The following AGAP1 variants were observed in gnomAD, a reference collection of about 807,000 sequenced individuals.
The protein encoded by AGAP1 is ArfGAP with GTPase domain, ankyrin repeat and PH domain 1.
In AGAP1, 29 loss-of-function variants were observed where a neutral mutation model predicts 105.3. The ratio of observed to expected loss-of-function variants is 0.28; its 90% CI spans 0.21 to 0.38. The LOEUF is 0.38. Among genes scored for constraint, AGAP1 ranks in the 10% least tolerant of loss-of-function variants. The pLI, the probability that AGAP1 is intolerant of heterozygous loss-of-function variation, is 1.00. For synonymous variants in AGAP1, 509 were observed against 485.9 expected (o/e 1.05, Z -0.63); for missense variants, 998 against 1,165.1 (o/e 0.86, Z 2.09).
At position 236,056,706 on chromosome 2, in the gene AGAP1, CT is replaced by C. The variant is rs1318031628; in HGVS notation, c.2114+7427del. Among the ~76,000 whole-genome samples the C allele has an allele frequency of 7.9e-5, 12 of 152,144 alleles. No homozygotes were observed. Among genetic ancestry groups the C allele is most frequent in the Non-Finnish European group, 1.8e-4 (12 of 68,028 alleles). On this transcript the variant is annotated intron_variant, in intron 16 of 17. Transcript: ENST00000304032. The surrounding 1 kb of genome is among the most constrained non-coding windows in gnomAD (Gnocchi z 4.6). ...CTAGTGAACTTTTCTCTTTCTTCTT[CT>C]TAATGAAGAGGAGGGAGACAAAAAC...
intron 9 of AGAP1, among the ~76,000 whole-genome samples, chr2:235,834,962 A>G (rs187013369): frequency 1.0e-3 from 153 of 152,280 alleles, no homozygotes; most frequent in Non-Finnish European, 1.7e-3. Flanking sequence ...TCACGAGAAC[A>G]TGTGATTCGT....
chr2:235,762,084 G>A (rs1197284010), intron 6 of AGAP1, among the ~76,000 whole-genome samples: 1 of 150,384 alleles, frequency 6.6e-6, no homozygotes, highest in African/African-American at 2.5e-5. Flanking sequence ...ATTCCAGCCT[G>A]GGGGGATAAG....
intron 1 of AGAP1, among the ~76,000 whole-genome samples, chr2:235,686,588 C>CACACAGAT (rs1553605459): frequency 9.2e-6 from 1 of 108,508 alleles, no homozygotes; most frequent in African/African-American, 3.4e-5. Context: ...CACACACACA[C>CACACAGAT]GTGTGTGTGT....
chr2:235,881,468 T>C (rs1393468517), intron 9 of AGAP1, among the ~76,000 whole-genome samples: 1 of 152,198 alleles, frequency 6.6e-6, no homozygotes, highest in Non-Finnish European at 1.5e-5. Context: ...TAAGGTTACA[T>C]AAGTTTATAA....
Position 235,973,436 on chromosome 2 carries a change from T to C in AGAP1, c.1645+4813T>C, listed in dbSNP as rs1271860911. On this transcript the variant is annotated intron_variant, in intron 13 of 17. Coordinates refer to ENST00000304032, the MANE Select transcript of AGAP1 (RefSeq NM_001037131.3). The surrounding 1 kb of genome is among the most constrained non-coding windows in gnomAD (Gnocchi z 4.7). ...GACAGAGCCCGTCGCTAGGCTCTTA[T>C]GTCACAGATGGGCTGCTGTGCTGCG... 1.3e-5 allele frequency among the ~76,000 whole-genome samples: 2 copies of C among 152,192 alleles called. No individual in the cohort carries two copies. Among genetic ancestry groups the C allele is most frequent in the South Asian group, 2.1e-4 (1 of 4,832 alleles).
In AGAP1 at chr2:235,549,872, G is replaced by A. The variant is rs1943748989; in HGVS notation, c.163+55023G>A. ...ATGGGGATTAGTGGAGTGAGTGGGAGGACTCGCCCTGCGCAGGTGGAGGGT... is the reference window on the plus strand; with the variant it reads ...ATGGGGATTAGTGGAGTGAGTGGGAAGACTCGCCCTGCGCAGGTGGAGGGT... On this transcript the variant is annotated intron_variant, in intron 1 of 17. Transcript: ENST00000304032. This position sits in a 1 kb window ranked among gnomAD's most constrained non-coding sequence, Gnocchi z 4.2. Among the ~76,000 whole-genome samples, 1 of 152,130 alleles carries A rather than the reference G, an allele frequency of 6.6e-6. No individual in the cohort carries two copies. Among genetic ancestry groups the A allele is most frequent in the Non-Finnish European group, 1.5e-5 (1 of 68,026 alleles).
rs1395265677 is a variant in AGAP1 at position 235,719,461 on chromosome 2, G to GT, written c.310+1820dup. Among the ~76,000 whole-genome samples the GT allele has an allele frequency of 2.0e-5, 3 of 152,186 alleles. No individual in the cohort carries two copies. The highest frequency in any genetic ancestry group is 7.2e-5 in the African/African-American group (3 of 41,446). On this transcript the variant is annotated intron_variant, in intron 3 of 17. Coordinates refer to ENST00000304032, the MANE Select transcript of AGAP1 (RefSeq NM_001037131.3). The surrounding 1 kb of genome is among the most constrained non-coding windows in gnomAD (Gnocchi z 4.9). The stretch of plus-strand genomic sequence containing the variant: ...TCACACCAAAGCATTTCTCTTGAAC[G>GT]TTTATACATCAAAAGGAAGGATTGT...
At chr2:236,065,743 G>A (rs1013430860) in intron 16 of AGAP1, among the ~76,000 whole-genome samples, 2 of 152,222 alleles carry the variant, frequency 1.3e-5, no homozygotes, top group Non-Finnish European at 2.9e-5. Flanking sequence ...CCTCCTGCTG[G>A]GTTGTGGAGC....
intron 12 of AGAP1, among the ~76,000 whole-genome samples, chr2:235,946,071 G>A (rs901356995): frequency 1.3e-4 from 20 of 150,886 alleles, no homozygotes; most frequent in Admixed American, 6.6e-4. Flanking sequence ...AGATCCAGGC[G>A]GAGACACAGA....
Position 235,555,112 on chromosome 2 carries a change from G to T in AGAP1, c.163+60263G>T, listed in dbSNP as rs1015695472. On this transcript the variant is annotated intron_variant, in intron 1 of 17. Coordinates refer to ENST00000304032, the MANE Select transcript of AGAP1 (RefSeq NM_001037131.3). The surrounding 1 kb of genome is among the most constrained non-coding windows in gnomAD (Gnocchi z 5.1). ...GAGGAGAGCGCGGCCGCCAGGGTCA[G>T]CCTGGATGCTCCTAGGCAGAGGCAC... Among the ~76,000 whole-genome samples the T allele has an allele frequency of 6.6e-6, 1 of 152,198 alleles. No individual in the cohort carries two copies. Among genetic ancestry groups the T allele is most frequent in the Non-Finnish European group, 1.5e-5 (1 of 68,030 alleles).
rs56934868 is a variant in AGAP1, at chr2:235,681,843, CTTTTTTT to C, written c.164-27317_164-27311del. On this transcript the variant is annotated intron_variant, in intron 1 of 17. Transcript: ENST00000304032. ...CCTATAAAGGGTCTAATTTAGTTTG[CTTTTTTT>C]TTTTTTTTTTTTTTTTTTGATACAG... Among the ~76,000 whole-genome samples the C allele has an allele frequency of 2.8e-4, 22 of 78,302 alleles. No individual in the cohort carries two copies. The East Asian group carries it at 6.8e-3, about 24-fold the overall frequency. 51.4% of individuals were successfully genotyped at this position (78,302 alleles called of 152,430 possible). A position where few individuals can be genotyped will look rare whatever the true frequency, so the allele number is the denominator to read the frequency against.
chr2:236,115,754 C>A (rs2059755298), intron 16 of AGAP1, among the ~76,000 whole-genome samples: 1 of 152,244 alleles, frequency 6.6e-6, no homozygotes, highest in Admixed American at 6.5e-5. Flanking sequence ...CGAGAAAACA[C>A]TGAAATATAG....
At chr2:235,761,920 G>A (rs901647114) in intron 6 of AGAP1, among the ~76,000 whole-genome samples, 1 of 151,968 alleles carries the variant, frequency 6.6e-6, no homozygotes, top group Non-Finnish European at 1.5e-5. Context: ...GACCAGCCTG[G>A]CCAACATGGT....
At position 235,601,276 on chromosome 2, in the gene AGAP1, G is replaced by C. The variant is rs1449239256; in HGVS notation, c.163+106427G>C. Reference sequence around the variant, plus strand: ...TTACTGTGTCCTCTCTGTGCTTGGGGGTGGGGAGAGAGGCGAGAAGGGAAG... The same window carrying C: ...TTACTGTGTCCTCTCTGTGCTTGGGCGTGGGGAGAGAGGCGAGAAGGGAAG... On this transcript the variant is annotated intron_variant, in intron 1 of 17. Coordinates refer to ENST00000304032, the MANE Select transcript of AGAP1 (RefSeq NM_001037131.3). The surrounding 1 kb of genome is among the most constrained non-coding windows in gnomAD (Gnocchi z 4.4). 6.6e-6 allele frequency among the ~76,000 whole-genome samples: 1 copy of C among 152,216 alleles called. No individual in the cohort carries two copies. The highest frequency in any genetic ancestry group is 6.5e-5 in the Admixed American group (1 of 15,290).
intron 17 of AGAP1, among the ~76,000 whole-genome samples, chr2:236,122,246 C>G (rs2059917377): frequency 6.6e-6 from 1 of 152,160 alleles, no homozygotes; most frequent in African/African-American, 2.4e-5. Context: ...CCTCCCAGCC[C>G]AGCCTTTTCC....
chr2:235,643,997 G>T (rs1362751427), intron 1 of AGAP1, among the ~76,000 whole-genome samples: 1 of 152,116 alleles, frequency 6.6e-6, no homozygotes, highest in Non-Finnish European at 1.5e-5. Context: ...CTGTGCCTCT[G>T]TAGTAAGGGA....
At chr2:235,706,909 G>A (rs911806117) in intron 1 of AGAP1, among the ~76,000 whole-genome samples, 1 of 152,210 alleles carries the variant, frequency 6.6e-6, no homozygotes, top group Non-Finnish European at 1.5e-5. Flanking sequence ...AGAAAGAAGT[G>A]TTTTCCAAAT....
At chr2:235,613,741 T>C (rs543416567) in intron 1 of AGAP1, among the ~76,000 whole-genome samples, 3 of 152,352 alleles carry the variant, frequency 2.0e-5, no homozygotes, top group South Asian at 2.1e-4. Context: ...GAAAGATGAA[T>C]ATAAGCTGGT....
At position 235,560,277 on chromosome 2, in the gene AGAP1, C is replaced by T. The variant is rs79465243; in HGVS notation, c.163+65428C>T. Among the ~76,000 whole-genome samples, 424 of 152,224 alleles carry T rather than the reference C, an allele frequency of 2.8e-3. 5 individuals carry two copies. Among genetic ancestry groups the T allele is most frequent in the African/African-American group, 9.5e-3 (393 of 41,538 alleles). ...GTTTGGCTGTCTTCATATCAGCATG[C>T]TTAGATCATTTGATTGATTTTCTCT... On this transcript the variant is annotated intron_variant, in intron 1 of 17. Transcript: ENST00000304032.
Sources: allele counts gnomAD v4.1 joint callset (sites outside exome capture counted in the v4.1 genomes callset), GRCh38; gene constraint gnomAD v4.1.1; non-coding constraint Gnocchi (gnomAD v3.1); transcripts MANE v1.5; gene names NCBI Gene and HGNC (gene_info 2026-07-23, HGNC 2026-07-21).